The following WT1 variants were observed in gnomAD, a reference collection of about 807,000 sequenced individuals.
WT1 encodes WT1 transcription factor.
A neutral mutation model predicts 60.8 loss-of-function variants in WT1; 8 were observed. The observed-to-expected ratio is 0.13, with a 90% CI of 0.08 to 0.24. The LOEUF (loss-of-function observed/expected upper bound fraction) is 0.24, where lower values mean the gene tolerates loss of function less well. Ranked by LOEUF, WT1 falls within the 10% of genes least tolerant of loss-of-function variation. The probability of loss-of-function intolerance (pLI) is 1.00; values close to 1 mark genes in which losing one functional copy is unlikely to be tolerated. For missense variants in WT1, 568 were observed against 711.8 expected (o/e 0.80, Z 2.30); for synonymous variants, 312 against 297.1 (o/e 1.05, Z -0.52).
intron 1 of WT1, chr11:32,430,937 G>C (rs749641707): frequency 2.1e-6 from 2 of 930,738 alleles, no homozygotes; most frequent in Non-Finnish European, 2.7e-6. Flanking sequence ...AGGGGCCAGG[G>C]GAGGTAAAGC....
At chr11:32,422,999 A>T (rs1171510522) in intron 3 of WT1, among the ~76,000 whole-genome samples, 2 of 152,222 alleles carry the variant, frequency 1.3e-5, no homozygotes, top group African/African-American at 4.8e-5. Flanking sequence ...TCATATGTGA[A>T]GTCGGTATAG....
intron 1 of WT1, 70 bp from the exon 2 acceptor site, chr11:32,428,689 A>C: frequency 1.3e-6 from 2 of 1,553,608 alleles, no homozygotes; most frequent in South Asian, 1.2e-5. Context: ...GGTCTGAACC[A>C]GCCACGGGCG....
intron 7 of WT1, among the ~76,000 whole-genome samples, chr11:32,393,148 G>A (rs1172935519): frequency 6.6e-6 from 1 of 152,230 alleles, no homozygotes; most frequent in African/African-American, 2.4e-5. Context: ...TTAACTCCCA[G>A]GCAGAATCTG....
intron 1 of WT1, chr11:32,428,931 T>A (rs1853166807): frequency 4.5e-6 from 2 of 441,924 alleles, no homozygotes; most frequent in African/African-American, 4.0e-5. Context: ...GCAAATTAAG[T>A]ATAAAACTCG....
intron 4 of WT1, 30 bp downstream of exon 4, chr11:32,417,547 G>T (rs1176469124): frequency 6.3e-7 from 1 of 1,587,364 alleles, no homozygotes; most frequent in East Asian, 2.2e-5. Flanking sequence ...AAGTTACTGT[G>T]GAAAGGCAAT....
chr11:32,409,922 C>T (rs575843161), intron 5 of WT1, among the ~76,000 whole-genome samples: 3 of 151,886 alleles, frequency 2.0e-5, no homozygotes, highest in East Asian at 1.9e-4. Context: ...TTTTCCTTTT[C>T]TTTTTTTATT....
intron 8 of WT1, 61 bp downstream of exon 8, chr11:32,392,605 A>G (rs2132918353): frequency 6.6e-7 from 1 of 1,521,172 alleles, no homozygotes; most frequent in Non-Finnish European, 9.1e-7. Flanking sequence ...AAAGAGAATC[A>G]TGAAATCAAC....
chr11:32,427,492 C>T (rs1853093530), intron 3 of WT1, among the ~76,000 whole-genome samples: 1 of 152,184 alleles, frequency 6.6e-6, no homozygotes, highest in African/African-American at 2.4e-5. Context: ...CAAAGCGCTG[C>T]CACGGGTCGA....
chr11:32,406,874 G>A (rs1465452601), intron 5 of WT1, among the ~76,000 whole-genome samples: 2 of 152,188 alleles, frequency 1.3e-5, no homozygotes, highest in South Asian at 2.1e-4. Context: ...CGAGGTGGGC[G>A]GATCACCTGA....
At chr11:32,434,402 G>A (rs1245908773) in intron 1 of WT1, among the ~76,000 whole-genome samples, 1 of 152,214 alleles carries the variant, frequency 6.6e-6, no homozygotes, top group Non-Finnish European at 1.5e-5. Flanking sequence ...CCACTCCCGT[G>A]GGGACTAGCA....
intron 1 of WT1, among the ~76,000 whole-genome samples, chr11:32,431,452 TC>T (rs111736485): frequency 0.29 from 24,834 of 85,330 alleles, 3,518 homozygotes; most frequent in East Asian, 0.71. Flanking sequence ...TTTTTTTTTT[TC>T]CGAGACGGAG....
At chr11:32,403,700 G>A (rs1186126229) in intron 5 of WT1, among the ~76,000 whole-genome samples, 2 of 150,084 alleles carry the variant, frequency 1.3e-5, no homozygotes, top group Non-Finnish European at 3.0e-5. Flanking sequence ...TCAGTCTTCT[G>A]AGTAGCTGGG....
chr11:32,396,397 C>A lies in WT1; in HGVS notation c.1124G>T (p.Arg375Leu), dbSNP rs554416372. The change falls in exon 7 of 10, where the codon CGT (arginine) becomes CTT (leucine). Residue 375 changes from arginine (R) to leucine (L), a missense_variant. Physicochemically the swap from Arg to Leu is moderately radical, Grantham distance 102 (BLOSUM62 -2). Around this residue, in one of 3 missense-constraint regions of WT1, gnomAD observed 523 missense variants for 565.1 expected, o/e 0.93. Coordinates refer to ENST00000452863, the MANE Select transcript of WT1 (RefSeq NM_024426.6). ...AAGAGTCGGGGCTACTCCAGGCACACGTCGCACATCCTGCAGGCAGAGAGT... is the reference window on the plus strand; with the variant it reads ...AAGAGTCGGGGCTACTCCAGGCACAAGTCGCACATCCTGCAGGCAGAGAGT... 8 of 1,613,852 alleles carry A rather than the reference C, an allele frequency of 5.0e-6. No homozygotes were observed. In the Admixed American group the frequency reaches 1.3e-4, roughly 27 times the overall value.
chr11:32,425,184 A>G (rs1399205140), intron 3 of WT1, among the ~76,000 whole-genome samples: 1 of 150,588 alleles, frequency 6.6e-6, no homozygotes, highest in Admixed American at 6.6e-5. Flanking sequence ...CGAAAAGAAA[A>G]AAAAAAAAAA....
chr11:32,407,887 A>G (rs1036303093), intron 5 of WT1, among the ~76,000 whole-genome samples: 1 of 152,176 alleles, frequency 6.6e-6, no homozygotes. Flanking sequence ...AAAGGAAAAA[A>G]GAAAATAAAA....
chr11:32,399,121 A>G (rs567931266), intron 6 of WT1, among the ~76,000 whole-genome samples: 437 of 148,916 alleles, frequency 2.9e-3, no homozygotes, highest in Non-Finnish European at 5.4e-3. Flanking sequence ...GCGCCACTGT[A>G]CTCCAGCCTG....
intron 1 of WT1, chr11:32,430,811 A>G (rs2133087652): frequency 4.6e-6 from 6 of 1,301,078 alleles, no homozygotes; most frequent in Non-Finnish European, 5.8e-6. Flanking sequence ...CAGTGGTGAA[A>G]GCGCCTGCGG....
intron 9 of WT1, among the ~76,000 whole-genome samples, chr11:32,391,039 TGGGA>T (rs758276310): frequency 2.4e-4 from 36 of 152,280 alleles, no homozygotes; most frequent in Admixed American, 9.2e-4. Context: ...AGTACAGTGG[TGGGA>T]TCACAGCTCA....
At chr11:32,426,634 A>C (rs1853047800) in intron 3 of WT1, among the ~76,000 whole-genome samples, 1 of 152,012 alleles carries the variant, frequency 6.6e-6, no homozygotes, top group African/African-American at 2.4e-5. Flanking sequence ...GCCCAAAAAA[A>C]GTGTGATGAG....
Sources: allele counts gnomAD v4.1 joint callset (sites outside exome capture counted in the v4.1 genomes callset), GRCh38; gene constraint gnomAD v4.1.1; regional missense constraint gnomAD v4.1.1; transcripts MANE v1.5; gene names NCBI Gene and HGNC (gene_info 2026-07-23, HGNC 2026-07-21).